MBP: variants seen among roughly 807,000 people sequenced by gnomAD.
MBP encodes the protein myelin basic protein, also known as Golli-MBP.
In MBP, 16 loss-of-function variants were observed where a neutral mutation model predicts 35.8. The ratio of observed to expected loss-of-function variants is 0.45; its 90% confidence interval spans 0.30 to 0.68. MBP has a LOEUF of 0.68. Among genes scored for constraint, MBP ranks in the 30% least tolerant of loss-of-function variants. The pLI, the probability that MBP is intolerant of heterozygous loss-of-function variation, is 0.08. For missense variants in MBP, 380 were observed against 404.7 expected (o/e 0.94, Z 0.52); for synonymous variants, 143 against 159.6 (o/e 0.90, Z 0.78).
chr18:77,039,489 A>G (rs927984032), intron 3 of MBP, among the ~76,000 whole-genome samples: 1 of 152,180 alleles, frequency 6.6e-6, no homozygotes, highest in African/African-American at 2.4e-5. Context: ...AATGAAATGG[A>G]TGAGAATTAT....
rs532885743 is a variant in MBP at position 76,979,503 on chromosome 18, C to T, written c.*924G>A. ...AGCCAGTGTCTATGGGCGACTGGCG[C>T]GGCTGCGAGGCTGTCTAGAGGACTC... On this transcript the variant is annotated 3_prime_UTR_variant, in exon 9 of 9. Transcript: ENST00000355994. 11 of 164,852 alleles carry T rather than the reference C, an allele frequency of 6.7e-5. No homozygotes were observed. The highest frequency in any genetic ancestry group is 1.3e-4 in the Non-Finnish European group (10 of 76,038). 10.2% of individuals were successfully genotyped at this position (164,852 alleles called of 1,614,324 possible).
chr18:77,131,057 CAA>C lies in MBP; in HGVS notation c.-26+1521_-26+1522del, dbSNP rs1445869798. ...AAAAAAAAAACAAAACCTCAAAAAA[CAA>C]AACACACACACGCGCGCACGCACGC... On this transcript the variant is annotated intron_variant, in intron 1 of 8. Transcript: ENST00000355994. The surrounding 1 kb of genome is among the most constrained non-coding windows in gnomAD (Gnocchi z 5.5). Among the ~76,000 whole-genome samples, 64 of 127,838 alleles carry C rather than the reference CAA, an allele frequency of 5.0e-4. No individual in the cohort carries two copies. The highest frequency in any genetic ancestry group is 8.4e-4 in the Non-Finnish European group (54 of 64,094). 83.9% of individuals were successfully genotyped at this position (127,838 alleles called of 152,430 possible).
At position 77,081,786 on chromosome 18, in the gene MBP, A is replaced by ATATATATATG. The variant is rs1177268772; in HGVS notation, c.52-15402_52-15401insCATATATATA. Among the ~76,000 whole-genome samples, 1,406 of 148,404 alleles carry ATATATATATG rather than the reference A, an allele frequency of 9.5e-3. 21 individuals are homozygous for ATATATATATG. Among genetic ancestry groups the ATATATATATG allele is most frequent in the African/African-American group, 0.024 (945 of 39,850 alleles). On this transcript the variant is annotated intron_variant, in intron 2 of 8. Coordinates refer to ENST00000355994, the MANE Select transcript of MBP (RefSeq NM_001025101.2). ...TATATATACACACACACACACACAC[A>ATATATATATG]CACACACGTATATATATATGCACAC...
intron 2 of MBP, among the ~76,000 whole-genome samples, chr18:77,103,838 C>A (rs1039967762): frequency 6.6e-6 from 1 of 152,222 alleles, no homozygotes; most frequent in Non-Finnish European, 1.5e-5. Flanking sequence ...AACCCCGATT[C>A]AGGGCACTAC....
At chr18:77,016,261 CAT>C in intron 4 of MBP, 1 of 985,446 alleles carries the variant, frequency 1.0e-6, no homozygotes, top group African/African-American at 1.7e-5. Flanking sequence ...AGCTTTGATT[CAT>C]AGACACTCAT....
At chr18:77,068,529 C>T (rs140897667) in intron 2 of MBP, among the ~76,000 whole-genome samples, 4 of 152,226 alleles carry the variant, frequency 2.6e-5, no homozygotes, top group Non-Finnish European at 5.9e-5. Flanking sequence ...CTGCTCGGCT[C>T]ATTGGAGCAC....
intron 3 of MBP, among the ~76,000 whole-genome samples, chr18:77,052,347 G>A (rs540883683): frequency 6.6e-6 from 1 of 152,290 alleles, no homozygotes; most frequent in South Asian, 2.1e-4. Context: ...AAGACAAAGG[G>A]GTCCTTGGAT....
intron 3 of MBP, among the ~76,000 whole-genome samples, chr18:77,033,147 T>C (rs904634243): frequency 2.0e-5 from 3 of 152,078 alleles, no homozygotes; most frequent in African/African-American, 7.2e-5. Context: ...TTTGTACTTT[T>C]AGTAGAGATG....
chr18:77,053,007 A>G (rs1973564951), intron 3 of MBP, among the ~76,000 whole-genome samples: 1 of 152,214 alleles, frequency 6.6e-6, no homozygotes, highest in Non-Finnish European at 1.5e-5. Context: ...CCTGCCCTGG[A>G]TCATTTGAAA....
rs900919831 is a variant in MBP, at chr18:76,989,499, C to T, written c.681+457G>A. Reference sequence around the variant, plus strand: ...TTATTAGCAACACTGCCTTAGGGCTCTCTCGGTGCTGTGCACGCTGTGGGT... The same window carrying T: ...TTATTAGCAACACTGCCTTAGGGCTTTCTCGGTGCTGTGCACGCTGTGGGT... On this transcript the variant is annotated intron_variant, in intron 5 of 8. Coordinates refer to ENST00000355994, the MANE Select transcript of MBP (RefSeq NM_001025101.2). This position sits in a 1 kb window ranked among gnomAD's most constrained non-coding sequence, Gnocchi z 4.0. Among the ~76,000 whole-genome samples, 6 of 152,322 alleles carry T rather than the reference C, an allele frequency of 3.9e-5. No homozygotes were observed. The South Asian group carries it at 8.3e-4, about 21-fold the overall frequency.
At chr18:77,071,620 C>T (rs1974453413) in intron 2 of MBP, among the ~76,000 whole-genome samples, 1 of 152,190 alleles carries the variant, frequency 6.6e-6, no homozygotes, top group Non-Finnish European at 1.5e-5. Context: ...AGTGGAGAAT[C>T]ACTGGCCTGG....
rs1479589338 is a variant in MBP at position 76,988,193 on chromosome 18, G to T, written c.750+302C>A. 1.3e-6 allele frequency: 2 copies of T among 1,545,930 alleles called. No individual in the cohort carries two copies. The highest frequency in any genetic ancestry group is 1.4e-5 in the African/African-American group (1 of 73,124). ...TAAACATTTTCTCGGACGTGGTGTT[G>T]CTCCCTCCCTGGGAGGGAGACCAGT... On this transcript the variant is annotated intron_variant, in intron 7 of 8. Coordinates refer to ENST00000355994, the MANE Select transcript of MBP (RefSeq NM_001025101.2). The surrounding 1 kb of genome is among the most constrained non-coding windows in gnomAD (Gnocchi z 5.2).
chr18:77,032,405 C>T (rs1286551829), intron 3 of MBP, among the ~76,000 whole-genome samples: 1 of 152,248 alleles, frequency 6.6e-6, no homozygotes, highest in Non-Finnish European at 1.5e-5. Context: ...CCATCTCACA[C>T]CAATGCCTCC....
intron 4 of MBP, among the ~76,000 whole-genome samples, chr18:76,993,486 G>T (rs1319182926): frequency 6.7e-6 from 1 of 148,414 alleles, no homozygotes; most frequent in Non-Finnish European, 1.5e-5. Flanking sequence ...TGAGGCGGAG[G>T]TTGCAGTGAG....
Position 76,979,918 on chromosome 18 carries a change from T to C in MBP, c.*509A>G, listed in dbSNP as rs184197418. ...GCCACTCCTTGACTGTCTAATCCTG[T>C]TAGGAAAAATGAAGTCTACTTTAGG... On this transcript the variant is annotated 3_prime_UTR_variant, in exon 9 of 9. Transcript: ENST00000355994. 73 of 701,802 alleles carry C rather than the reference T, an allele frequency of 1.0e-4. No individual in the cohort carries two copies. In the East Asian group the frequency reaches 1.9e-3, roughly 18 times the overall value. The allele number at this position is 701,802 out of a possible 1,614,324, so 43.5% of individuals were successfully genotyped here. A position where few individuals can be genotyped will look rare whatever the true frequency, so the allele number is the denominator to read the frequency against.
Position 76,988,636 on chromosome 18 carries a change from A to G in MBP, c.718-109T>C, listed in dbSNP as rs1969705563. On this transcript the variant is annotated intron_variant, in intron 6 of 8. Transcript: ENST00000355994. This position sits in a 1 kb window ranked among gnomAD's most constrained non-coding sequence, Gnocchi z 5.2. ...ACAGTGGAGCTGAGGTGGTAAAAACAGGTTCCACCCGGAGCTCCGAGGGGG... is the reference window on the plus strand; with the variant it reads ...ACAGTGGAGCTGAGGTGGTAAAAACGGGTTCCACCCGGAGCTCCGAGGGGG... The G allele has an allele frequency of 1.3e-6, 2 of 1,519,462 alleles. No individual in the cohort carries two copies. The highest frequency in any genetic ancestry group is 4.6e-5 in the East Asian group (2 of 43,870). The allele number at this position is 1,519,462 out of a possible 1,614,324, so 94.1% of individuals were successfully genotyped here.
In MBP at chr18:77,018,237, C is replaced by T. The variant is rs113774286; in HGVS notation, c.140-969G>A. Among the ~76,000 whole-genome samples the T allele has an allele frequency of 2.8e-3, 427 of 151,184 alleles. 2 individuals carry two copies. The highest frequency in any genetic ancestry group is 4.5e-3 in the Non-Finnish European group (302 of 67,792). ...TCCATCCATCCCCCATCCACTCATC[C>T]ATCCGTTCACCCATCCACCCACCCC... On this transcript the variant is annotated intron_variant, in intron 3 of 8. Transcript: ENST00000355994.
intron 4 of MBP, among the ~76,000 whole-genome samples, chr18:77,012,362 C>T (rs1971403025): frequency 6.6e-6 from 1 of 152,202 alleles, no homozygotes; most frequent in Non-Finnish European, 1.5e-5. Flanking sequence ...ACAGCACCTG[C>T]CAGTGGGATC....
intron 1 of MBP, among the ~76,000 whole-genome samples, chr18:77,129,285 C>T (rs767120001): frequency 1.2e-4 from 18 of 152,378 alleles, no homozygotes; most frequent in Non-Finnish European, 2.1e-4. Context: ...GACATTTTTA[C>T]GCTTTAATGG....
Sources: gnomAD v4.1 joint callset for allele counts (sites outside exome capture counted in the v4.1 genomes callset) on GRCh38, gnomAD v4.1.1 for gene constraint, Gnocchi (gnomAD v3.1) non-coding constraint, MANE v1.5 for transcripts, NCBI Gene and HGNC (gene_info 2026-07-23, HGNC 2026-07-21) for gene names.